Variants in CCDC180 observed in about 807,000 individuals in gnomAD.
CCDC180 encodes coiled-coil domain-containing protein 180.
Under a neutral mutation model 209.2 loss-of-function variants are expected in CCDC180, and 154 were observed. The observed-to-expected ratio is 0.74, with a 90% CI of 0.65 to 0.84. The LOEUF is 0.84. Among genes scored for constraint, CCDC180 ranks in the 40% least tolerant of loss-of-function variants. CCDC180 has a pLI of 0.00. For synonymous variants in CCDC180, 778 were observed against 749.1 expected (o/e 1.04, Z -0.63); for missense variants, 1,874 against 1,997.3 (o/e 0.94, Z 1.18).
intron 3 of CCDC180, among the ~76,000 whole-genome samples, chr9:97,310,217 G>A (rs1832937375): frequency 6.6e-6 from 1 of 152,220 alleles, no homozygotes; most frequent in African/African-American, 2.4e-5. Context: ...CCAGGGCACA[G>A]GACACTGCAG....
chr9:97,347,553 G>A lies in CCDC180; in HGVS notation c.2674+64G>A, dbSNP rs774514523. Reference sequence around the variant, plus strand: ...CCACTCCTTCAGCGTCTGCTCCACCGCGGCTCCATGTTCATTAGCTGCCCC... The same window carrying A: ...CCACTCCTTCAGCGTCTGCTCCACCACGGCTCCATGTTCATTAGCTGCCCC... On this transcript the variant is annotated intron_variant, in intron 20 of 36. Transcript: ENST00000529487. The A allele has an allele frequency of 3.4e-4, 501 of 1,455,006 alleles. 3 individuals carry two copies. The highest frequency in any genetic ancestry group is 8.2e-4 in the Middle Eastern group (4 of 4,888). 90.1% of individuals were successfully genotyped at this position (1,455,006 alleles called of 1,614,324 possible). A position where few individuals can be genotyped will look rare whatever the true frequency, so the allele number is the denominator to read the frequency against.
Position 97,308,060 on chromosome 9 carries a change from C to T in CCDC180, c.-4C>T, listed in dbSNP as rs777732676. 1.9e-6 allele frequency: 3 copies of T among 1,613,538 alleles called. No homozygotes were observed. The highest frequency in any genetic ancestry group is 1.3e-5 in the African/African-American group (1 of 74,914). ...CCGGCAGGGGCATCCAGCCAGCGGCCAAGATGTCGTCAGTGGGGAAGGTGA... is the reference window on the plus strand; with the variant it reads ...CCGGCAGGGGCATCCAGCCAGCGGCTAAGATGTCGTCAGTGGGGAAGGTGA... On this transcript the variant is annotated 5_prime_UTR_variant, in exon 2 of 37. Transcript: ENST00000529487.
chr9:97,362,905 C>A (rs150475812), intron 28 of CCDC180, among the ~76,000 whole-genome samples: 15 of 152,314 alleles, frequency 9.8e-5, no homozygotes, highest in African/African-American at 3.6e-4. Flanking sequence ...AAGGGGAATC[C>A]CTGCTTTGCC....
At chr9:97,346,947 G>A (rs553024363) in intron 19 of CCDC180, among the ~76,000 whole-genome samples, 23 of 152,272 alleles carry the variant, frequency 1.5e-4, no homozygotes, top group African/African-American at 4.8e-4. Context: ...AAATTTAGAC[G>A]TCTGACAATA....
rs571985505 is a variant in CCDC180, at chr9:97,363,173, C to A, written c.3902+732C>A. On this transcript the variant is annotated intron_variant, in intron 28 of 36. Coordinates refer to ENST00000529487, the MANE Select transcript of CCDC180 (RefSeq NM_020893.6). ...GGTTGCCCACTGAAAGCAGGGCATC[C>A]CACGTGATTGGTTACGGGACATGTT... Among the ~76,000 whole-genome samples, 3 of 152,312 alleles carry A rather than the reference C, an allele frequency of 2.0e-5. No homozygotes were observed. In the South Asian group the frequency reaches 6.2e-4, roughly 32 times the overall value.
At chr9:97,339,008 C>T (rs987312577) in intron 18 of CCDC180, among the ~76,000 whole-genome samples, 6 of 151,796 alleles carry the variant, frequency 4.0e-5, no homozygotes, top group Non-Finnish European at 7.4e-5. Flanking sequence ...TTTCCATTTG[C>T]TTGGAAGTCT....
At chr9:97,346,065 C>T (rs1172112311) in intron 19 of CCDC180, among the ~76,000 whole-genome samples, 2 of 152,106 alleles carry the variant, frequency 1.3e-5, no homozygotes, top group African/African-American at 2.4e-5. Flanking sequence ...AAATAGGGGT[C>T]AAGATTCACT....
Position 97,309,593 on chromosome 9 carries a change from T to C in CCDC180, c.249T>C (p.Pro83=), listed in dbSNP as rs773328626. The part of the protein sequence containing the change: ...SLPNDWIMEN[P]VLHREKERAK... ...CCAACGACTGGATCATGGAAAACCC[T>C]GTTCTCCACAGGTAGGTCCTGTTGT... is the stretch of plus-strand genomic sequence containing the variant. The change falls in exon 3 of 37, where the codon CCT becomes CCC. Residue 83 remains proline, a synonymous_variant. Transcript: ENST00000529487. The C allele has an allele frequency of 2.5e-6, 4 of 1,583,998 alleles. No individual in the cohort carries two copies. In the African/African-American group the frequency reaches 5.5e-5, roughly 22 times the overall value.
At chr9:97,317,545 A>C (rs537990572) in intron 9 of CCDC180, among the ~76,000 whole-genome samples, 1 of 152,260 alleles carries the variant, frequency 6.6e-6, no homozygotes, top group South Asian at 2.1e-4. Context: ...ACAGCTGGAA[A>C]ACATTCATCC....
In CCDC180 at chr9:97,366,340, A is replaced by C. The variant is rs74546535; in HGVS notation, c.4048-219A>C. 5.8e-3 allele frequency among the ~76,000 whole-genome samples: 890 copies of C among 152,324 alleles called. 13 individuals carry two copies. The highest frequency in any genetic ancestry group is 0.02 in the African/African-American group (846 of 41,578). ...ATTCTTGCCAGTCACTCATTCAGGA[A>C]ATAACGAGGGCTGGCCATGGCTCCA... On this transcript the variant is annotated intron_variant, in intron 30 of 36. Transcript: ENST00000529487. The surrounding 1 kb of genome is among the most constrained non-coding windows in gnomAD (Gnocchi z 4.3).
chr9:97,315,107 G>A (rs753288558), intron 8 of CCDC180, among the ~76,000 whole-genome samples, 161 bp downstream of exon 8: 14 of 152,130 alleles, frequency 9.2e-5, no homozygotes, highest in Non-Finnish European at 1.8e-4. Flanking sequence ...GAGAAGCAGA[G>A]TCCTTGCTAT....
chr9:97,362,499 A>C, intron 28 of CCDC180, 58 bp downstream of exon 28: 1 of 1,580,458 alleles, frequency 6.3e-7, no homozygotes, highest in Non-Finnish European at 8.6e-7. Flanking sequence ...ACACAAAGGC[A>C]GGAGATGACC....
intron 18 of CCDC180, among the ~76,000 whole-genome samples, chr9:97,331,408 A>G (rs1259342555): frequency 1.3e-5 from 2 of 152,172 alleles, no homozygotes; most frequent in Non-Finnish European, 1.5e-5. Context: ...TTTATGGTAG[A>G]ATGATTTACA....
chr9:97,327,395 T>C (rs1366269282), intron 15 of CCDC180, among the ~76,000 whole-genome samples: 1 of 152,228 alleles, frequency 6.6e-6, no homozygotes, highest in East Asian at 1.9e-4. Flanking sequence ...CTTCCTTTTT[T>C]AAATGCCTTG....
In CCDC180 at chr9:97,323,083, A is replaced by G. The variant is rs139766672; in HGVS notation, c.1248+162A>G. On this transcript the variant is annotated intron_variant, in intron 12 of 36. Coordinates refer to ENST00000529487, the MANE Select transcript of CCDC180 (RefSeq NM_020893.6). Reference sequence around the variant, plus strand: ...CAAGCTTTTCTTCCTCATGGAAGAAAATGGCATGGCTTCATAGCCCCAATG... The same window carrying G: ...CAAGCTTTTCTTCCTCATGGAAGAAGATGGCATGGCTTCATAGCCCCAATG... 5.1e-3 allele frequency among the ~76,000 whole-genome samples: 782 copies of G among 152,046 alleles called. 4 individuals are homozygous for G. Among genetic ancestry groups the G allele is most frequent in the African/African-American group, 0.018 (742 of 41,456 alleles).
At chr9:97,349,000 C>A in intron 20 of CCDC180, 111 bp from the exon 21 acceptor site, 1 of 1,027,498 alleles carries the variant, frequency 9.7e-7, no homozygotes, top group Non-Finnish European at 1.4e-6. Flanking sequence ...CTGAATTGTT[C>A]CTGTTCTGCA....
intron 25 of CCDC180, 41 bp downstream of exon 25, chr9:97,357,766 T>C: frequency 7.0e-7 from 1 of 1,418,780 alleles, no homozygotes; most frequent in Non-Finnish European, 9.9e-7. Flanking sequence ...AATAAAGATA[T>C]ATCATGCTAA....
chr9:97,354,722 C>T lies in CCDC180; in HGVS notation c.3147+9C>T. ...ATGAGTACCTGGACCAGGTAGGGCC[C>T]CCAGCCAGGCCCCAGGCCAACCGGT... is the stretch of plus-strand genomic sequence containing the variant. On this transcript the variant is annotated intron_variant, in intron 23 of 36. Coordinates refer to ENST00000529487, the MANE Select transcript of CCDC180 (RefSeq NM_020893.6). 1.2e-6 allele frequency: 2 copies of T among 1,614,150 alleles called. No individual in the cohort carries two copies. Among genetic ancestry groups the T allele is most frequent in the South Asian group, 1.1e-5 (1 of 91,070 alleles).
At chr9:97,354,333 G>A (rs1347152878) in intron 22 of CCDC180, among the ~76,000 whole-genome samples, 1 of 152,042 alleles carries the variant, frequency 6.6e-6, no homozygotes, top group Non-Finnish European at 1.5e-5. Context: ...TTTTTATTTC[G>A]AATTTTGTTT....
Sources: allele counts gnomAD v4.1 joint callset (sites outside exome capture counted in the v4.1 genomes callset), GRCh38; gene constraint gnomAD v4.1.1; non-coding constraint Gnocchi (gnomAD v3.1); transcripts MANE v1.5; gene names NCBI Gene and HGNC (gene_info 2026-07-23, HGNC 2026-07-21).